POLA1: variants seen among roughly 807,000 people sequenced by gnomAD.
POLA1 encodes DNA polymerase alpha catalytic subunit.
In POLA1, 15 loss-of-function variants were observed where a neutral mutation model predicts 124.0. The observed-to-expected ratio is 0.12, with a 90% CI of 0.08 to 0.19. POLA1 has a LOEUF of 0.19. Ranked by LOEUF, POLA1 falls within the 10% of genes least tolerant of loss-of-function variation. The pLI, the probability that POLA1 is intolerant of heterozygous loss-of-function variation, is 1.00. For synonymous variants in POLA1, 408 were observed against 389.4 expected, an observed-to-expected ratio of 1.05 and a Z score of -0.56; for missense variants, 886 against 1,103.4, an observed-to-expected ratio of 0.80 and a Z score of 2.79.
intron 36 of POLA1, among the ~76,000 whole-genome samples, chrX:24,949,888 C>T (rs1413747430): frequency 9.1e-6 from 1 of 109,569 alleles, no homozygotes; most frequent in Non-Finnish European, 1.9e-5. Flanking sequence ...GTACACGCCA[C>T]CACACCCAGC....
intron 26 of POLA1, chrX:24,788,836 C>T (rs759976203): frequency 4.1e-5 from 49 of 1,193,017 alleles, no homozygotes; most frequent in South Asian, 1.8e-5. Flanking sequence ...CAGGACCATA[C>T]TTGCCCAAAG....
intron 35 of POLA1, among the ~76,000 whole-genome samples, chrX:24,925,505 C>T (rs950364455): frequency 1.8e-5 from 2 of 111,695 alleles, no homozygotes; most frequent in African/African-American, 6.5e-5. Context: ...GGTTATGTTC[C>T]CATGCAAATA....
In POLA1 at chrX:24,888,040, A is replaced by T. The variant is rs747410080; in HGVS notation, c.4082A>T (p.Asn1361Ile). 10 of 1,207,065 alleles carry T rather than the reference A, an allele frequency of 8.3e-6. No homozygotes were observed. The African/African-American group carries it at 1.6e-4, about 19-fold the overall frequency. ...WLICEEPTCR[N>I]RTRHLPLQFS... ...ATATGTGAAGAGCCAACCTGTCGCA[A>T]TCGAACTCGTCACCTTCCCCTTCAA... The change falls in exon 35 of 37, where the codon AAT (asparagine) becomes ATT (isoleucine). Residue 1361 changes from asparagine (N) to isoleucine (I), a missense_variant. By Grantham distance (149) the Asn-to-Ile change is moderately radical. Coordinates refer to ENST00000379068, the MANE Select transcript of POLA1 (RefSeq NM_001330360.2).
chrX:24,908,176 T>G (rs143513006), intron 35 of POLA1, among the ~76,000 whole-genome samples: 1,314 of 111,574 alleles, frequency 0.012, 19 homozygotes, highest in African/African-American at 0.041. Context: ...TTTTTTTTAA[T>G]GATGCAACTC....
At chrX:24,959,795 T>A (rs1333566034) in intron 36 of POLA1, among the ~76,000 whole-genome samples, 1 of 111,704 alleles carries the variant, frequency 9.0e-6, no homozygotes, top group Non-Finnish European at 1.9e-5. Context: ...ACATTAAGAT[T>A]TACCTGTTTT....
At chrX:24,889,168 C>T (rs1294323873) in intron 35 of POLA1, among the ~76,000 whole-genome samples, 2 of 111,353 alleles carry the variant, frequency 1.8e-5, no homozygotes, top group Non-Finnish European at 3.8e-5. Context: ...CCGCACCCGG[C>T]CACTCAAGCC....
At chrX:24,755,496 AT>A (rs1353617675) in intron 26 of POLA1, among the ~76,000 whole-genome samples, 1 of 110,380 alleles carries the variant, frequency 9.1e-6, no homozygotes, top group Non-Finnish European at 1.9e-5. Flanking sequence ...TAACTCTTCC[AT>A]TTTCTTGTCT....
chrX:24,972,517 G>A (rs982173374), intron 36 of POLA1, among the ~76,000 whole-genome samples: 1 of 111,717 alleles, frequency 9.0e-6, no homozygotes, highest in Non-Finnish European at 1.9e-5. Flanking sequence ...GTTCCCAAAC[G>A]TATATGCTGC....
intron 35 of POLA1, among the ~76,000 whole-genome samples, chrX:24,900,903 A>G (rs764070139): frequency 1.8e-4 from 20 of 111,644 alleles, no homozygotes; most frequent in Non-Finnish European, 2.8e-4. Flanking sequence ...TCCTTCAGAC[A>G]TAACCTTGAT....
At chrX:24,813,666 T>C (rs2045940663) in intron 29 of POLA1, among the ~76,000 whole-genome samples, 1 of 110,944 alleles carries the variant, frequency 9.0e-6, no homozygotes, top group Non-Finnish European at 1.9e-5. Flanking sequence ...ATACAAGTAT[T>C]AGCCAGGCGT....
chrX:24,733,767 CA>C lies in POLA1; in HGVS notation c.1787del (p.Lys596ArgfsTer18). 1 of 1,132,275 alleles carries C rather than the reference CA, an allele frequency of 8.8e-7. No individual in the cohort carries two copies. The highest frequency in any genetic ancestry group is 1.2e-6 in the Non-Finnish European group (1 of 833,226). The allele number at this position is 1,132,275 out of a possible 1,213,427, so 93.3% of individuals were successfully genotyped here. A position where few individuals can be genotyped will look rare whatever the true frequency, so the allele number is the denominator to read the frequency against. ...TTCCTTTTTACAGTTGTGTCTAAAC[CA>C]AAGGACTGTATTTTTCCATATGCTT... is the stretch of plus-strand genomic sequence containing the variant. The part of the protein sequence containing the change: ...FQSHFCVVSK[P>X]KDCIFPYAFK... On this transcript the variant is annotated frameshift_variant, in exon 17 of 37. Transcript: ENST00000379068. LOFTEE classifies it high-confidence loss of function.
chrX:24,969,559 G>A (rs963978700), intron 36 of POLA1, among the ~76,000 whole-genome samples: 15 of 109,788 alleles, frequency 1.4e-4, no homozygotes, highest in African/African-American at 4.6e-4. Flanking sequence ...ATATGTAATT[G>A]TAGATATATA....
Position 24,735,499 on chromosome X carries a change from GT to G in POLA1, c.1923+14del. The G allele has an allele frequency of 9.9e-7, 1 of 1,008,238 alleles. No homozygotes were observed. Among genetic ancestry groups the G allele is most frequent in the Non-Finnish European group, 1.4e-6 (1 of 711,116 alleles). 83.1% of individuals were successfully genotyped at this position (1,008,238 alleles called of 1,213,427 possible). On this transcript the variant is annotated intron_variant, in intron 18 of 36. Coordinates refer to ENST00000379068, the MANE Select transcript of POLA1 (RefSeq NM_001330360.2). Reference sequence around the variant, plus strand: ...CCTGATATCATTGTGGTGAGTAGATGTTTGATCATGTTGTGGGGAAGCTCTT... The same window carrying G: ...CCTGATATCATTGTGGTGAGTAGATGTTGATCATGTTGTGGGGAAGCTCTT...
At chrX:24,911,278 A>T (rs891181341) in intron 35 of POLA1, among the ~76,000 whole-genome samples, 2 of 111,959 alleles carry the variant, frequency 1.8e-5, no homozygotes, top group Non-Finnish European at 3.8e-5. Context: ...TTTATTCATC[A>T]TGAACACACA....
At chrX:24,822,689 G>T (rs1314647872) in intron 31 of POLA1, among the ~76,000 whole-genome samples, 2 of 112,114 alleles carry the variant, frequency 1.8e-5, no homozygotes, top group Admixed American at 1.9e-4. Context: ...TTCCATAAAT[G>T]TCTGACTCGC....
rs562250144 is a variant in POLA1, at chrX:24,942,502, A to G, written c.4261+11953A>G. ...GTATGTGAGATTTTAATAGGCACAGATGCAGACATGTAGTTTGAGACGAAG... is the reference window on the plus strand; with the variant it reads ...GTATGTGAGATTTTAATAGGCACAGGTGCAGACATGTAGTTTGAGACGAAG... On this transcript the variant is annotated intron_variant, in intron 36 of 36. Transcript: ENST00000379068. 2.7e-5 allele frequency among the ~76,000 whole-genome samples: 3 copies of G among 112,057 alleles called. No homozygotes were observed. In the East Asian group the frequency reaches 8.4e-4, roughly 31 times the overall value.
chrX:24,780,138 C>T (rs1027557266), intron 26 of POLA1, among the ~76,000 whole-genome samples: 3 of 111,745 alleles, frequency 2.7e-5, no homozygotes, highest in African/African-American at 6.5e-5. Flanking sequence ...ATCAGGAGTT[C>T]GGCCTGTAGT....
At chrX:24,916,992 T>C (rs2047542858) in intron 35 of POLA1, among the ~76,000 whole-genome samples, 1 of 112,490 alleles carries the variant, frequency 8.9e-6, no homozygotes, top group African/African-American at 3.2e-5. Flanking sequence ...AACAAGTTTC[T>C]AACACTTTAA....
At chrX:24,949,012 CT>C (rs2048000727) in intron 36 of POLA1, among the ~76,000 whole-genome samples, 1 of 111,308 alleles carries the variant, frequency 9.0e-6, no homozygotes, top group African/African-American at 3.3e-5. Flanking sequence ...GAAATAATTT[CT>C]TAATACTGGA....
Sources: gnomAD v4.1 joint callset for allele counts (sites outside exome capture counted in the v4.1 genomes callset) on GRCh38, gnomAD v4.1.1 for gene constraint, MANE v1.5 for transcripts, NCBI Gene and HGNC (gene_info 2026-07-23, HGNC 2026-07-21) for gene names.